Variants in SLC37A1 observed in about 807,000 individuals in gnomAD.
SLC37A1 encodes solute carrier family 37 member 1.
Under a neutral mutation model 75.3 loss-of-function variants are expected in SLC37A1, and 49 were observed. The observed-to-expected ratio is 0.65, with a 90% CI of 0.52 to 0.83. The LOEUF is 0.83. Among genes scored for constraint, SLC37A1 ranks in the 40% least tolerant of loss-of-function variants. SLC37A1 has a pLI of 0.00. For missense variants in SLC37A1, 566 were observed against 695.0 expected, an observed-to-expected ratio of 0.81 and a Z score of 2.09; for synonymous variants, 268 against 292.1, an observed-to-expected ratio of 0.92 and a Z score of 0.84.
At chr21:42,564,661 C>A in intron 13 of SLC37A1, 47 bp from the exon 14 acceptor site, 2 of 1,517,390 alleles carry the variant, frequency 1.3e-6, no homozygotes, top group Non-Finnish European at 1.8e-6. Flanking sequence ...TCCCCGTGGG[C>A]TCATGCCCTG....
chr21:42,575,024 T>C (rs1251342872), intron 18 of SLC37A1, 109 bp downstream of exon 18: 10 of 1,509,812 alleles, frequency 6.6e-6, no homozygotes, highest in Non-Finnish European at 8.8e-6. Flanking sequence ...TCAGAGAGGT[T>C]TGGGTCTTCC....
intron 2 of SLC37A1, among the ~76,000 whole-genome samples, chr21:42,505,748 T>A (rs1285884404): frequency 6.6e-6 from 1 of 152,386 alleles, no homozygotes; most frequent in Non-Finnish European, 1.5e-5. Context: ...AAGAGCTTTT[T>A]AAATTTTGTT....
chr21:42,550,745 T>C (rs73905687), intron 9 of SLC37A1, among the ~76,000 whole-genome samples: 20,773 of 152,266 alleles, frequency 0.14, 2,072 homozygotes, highest in African/African-American at 0.29. Flanking sequence ...TCAAGTGGGA[T>C]TTATCCCAGG....
chr21:42,523,291 G>A (rs568943939), intron 2 of SLC37A1, among the ~76,000 whole-genome samples: 16 of 152,316 alleles, frequency 1.1e-4, no homozygotes, highest in African/African-American at 2.9e-4. Context: ...GAGGAGATTG[G>A]AGAAGGAAAC....
At chr21:42,504,395 T>C (rs2054366322) in intron 2 of SLC37A1, among the ~76,000 whole-genome samples, 1 of 152,180 alleles carries the variant, frequency 6.6e-6, no homozygotes, top group Non-Finnish European at 1.5e-5. Context: ...ACCTTAATCC[T>C]GAAAACCTTT....
Position 42,548,479 on chromosome 21 carries a change from A to C in SLC37A1, c.768+1339A>C, listed in dbSNP as rs1402462304. 1.3e-5 allele frequency among the ~76,000 whole-genome samples: 2 copies of C among 151,372 alleles called. No individual in the cohort carries two copies. Among genetic ancestry groups the C allele is most frequent in the African/African-American group, 4.9e-5 (2 of 41,118 alleles). On this transcript the variant is annotated intron_variant, in intron 9 of 19. Transcript: ENST00000352133. This position sits in a 1 kb window ranked among gnomAD's most constrained non-coding sequence, Gnocchi z 5.6. The stretch of plus-strand genomic sequence containing the variant: ...CAACACCCCCTCCCTTCAGCCCCGC[A>C]CCCCATCCTTGGCCATGTTCTGTCA...
At position 42,580,664 on chromosome 21, in the gene SLC37A1, A is replaced by C; in HGVS notation, c.*304A>C. On this transcript the variant is annotated 3_prime_UTR_variant, in exon 20 of 20. Coordinates refer to ENST00000352133, the MANE Select transcript of SLC37A1 (RefSeq NM_001320537.2). ...ATGCAGCCACCCAAATGCACGCGTGACAACAAGGCCGGGAGGGTGGGGGGG... is the reference window on the plus strand; with the variant it reads ...ATGCAGCCACCCAAATGCACGCGTGCCAACAAGGCCGGGAGGGTGGGGGGG... 6.9e-6 allele frequency: 2 copies of C among 290,566 alleles called. No individual in the cohort carries two copies. Among genetic ancestry groups the C allele is most frequent in the South Asian group, 3.7e-5 (1 of 26,960 alleles). The allele number at this position is 290,566 out of a possible 1,614,324, so 18.0% of individuals were successfully genotyped here.
intron 2 of SLC37A1, among the ~76,000 whole-genome samples, chr21:42,523,349 G>A (rs2054700035): frequency 1.3e-5 from 2 of 152,228 alleles, no homozygotes; most frequent in Non-Finnish European, 2.9e-5. Flanking sequence ...AGCCTTACTT[G>A]CCCTAGTCAG....
At chr21:42,578,286 G>A (rs1287087819) in intron 18 of SLC37A1, among the ~76,000 whole-genome samples, 1 of 152,170 alleles carries the variant, frequency 6.6e-6, no homozygotes, top group Non-Finnish European at 1.5e-5. Context: ...GAGTTGGTAG[G>A]GCCCCTCCTT....
chr21:42,535,976 C>T (rs560047067), intron 5 of SLC37A1, among the ~76,000 whole-genome samples: 45 of 152,336 alleles, frequency 3.0e-4, no homozygotes, highest in African/African-American at 1.0e-3. Flanking sequence ...ACCTGATGAT[C>T]GAAACAGTTG....
intron 11 of SLC37A1, among the ~76,000 whole-genome samples, chr21:42,559,576 C>G (rs2055775118): frequency 6.6e-6 from 1 of 152,250 alleles, no homozygotes; most frequent in Non-Finnish European, 1.5e-5. Flanking sequence ...GATTCTCTTT[C>G]CCTTTAAAGT....
At chr21:42,513,192 G>A (rs934262927), upstream of SLC37A1, among the ~76,000 whole-genome samples, 2 of 152,082 alleles carry the variant, frequency 1.3e-5, no homozygotes, top group African/African-American at 4.8e-5. Context: ...CCCTGGGGCT[G>A]CCTAAGGAGA....
At chr21:42,535,858 G>A (rs2146845067) in intron 5 of SLC37A1, among the ~76,000 whole-genome samples, 1 of 152,300 alleles carries the variant, frequency 6.6e-6, no homozygotes, top group African/African-American at 2.4e-5. Flanking sequence ...GCCAATCCTG[G>A]GACGTGGTCA....
Position 42,575,145 on chromosome 21 carries a change from G to C in SLC37A1, c.1521+230G>C. ...GCAGCCTTGGGCGGGATAGCACAAA[G>C]GCCAGGAGCGTGGAGCTCCGTGGCT... On this transcript the variant is annotated intron_variant, in intron 18 of 19. Transcript: ENST00000352133. 3.0e-6 allele frequency: 3 copies of C among 985,492 alleles called. No individual in the cohort carries two copies. The South Asian group carries it at 1.4e-4, about 46-fold the overall frequency. 61.0% of individuals were successfully genotyped at this position (985,492 alleles called of 1,614,324 possible).
chr21:42,565,044 G>GC (rs1469096748), intron 14 of SLC37A1, among the ~76,000 whole-genome samples: 1 of 152,272 alleles, frequency 6.6e-6, no homozygotes, highest in Admixed American at 6.5e-5. Flanking sequence ...TCTTTGGGGT[G>GC]CCCCCTTGCC....
In SLC37A1 at chr21:42,514,482, C is replaced by G. The variant is rs1433815460; in HGVS notation, c.-414C>G. The G allele has an allele frequency of 6.6e-6, 1 of 152,252 alleles. No homozygotes were observed. Among genetic ancestry groups the G allele is most frequent in the South Asian group, 2.1e-4 (1 of 4,838 alleles). 9.4% of individuals were successfully genotyped at this position (152,252 alleles called of 1,614,324 possible). ...GAATTCACCTCCTCCGGGGACCAGC[C>G]GCCCAGGGAGGAGCCGGCACAGAAC... is the stretch of plus-strand genomic sequence containing the variant. On this transcript the variant is annotated 5_prime_UTR_variant, in exon 1 of 20. Transcript: ENST00000352133. This position sits in a 1 kb window ranked among gnomAD's most constrained non-coding sequence, Gnocchi z 4.8.
chr21:42,507,523 A>G (rs2054395082), intron 2 of SLC37A1, among the ~76,000 whole-genome samples: 1 of 152,212 alleles, frequency 6.6e-6, no homozygotes, highest in Non-Finnish European at 1.5e-5. Flanking sequence ...AAAGAGTACT[A>G]AAGTGTGTGT....
chr21:42,542,258 C>G (rs1170025520), intron 6 of SLC37A1, 146 bp from the exon 7 acceptor site: 1 of 554,180 alleles, frequency 1.8e-6, no homozygotes, highest in African/African-American at 1.9e-5. Context: ...GTAGTTTAAA[C>G]TGTATATAAA....
At chr21:42,546,271 C>G (rs978904118) in intron 8 of SLC37A1, among the ~76,000 whole-genome samples, 1 of 152,232 alleles carries the variant, frequency 6.6e-6, no homozygotes, top group Non-Finnish European at 1.5e-5. Context: ...AAAGGACACG[C>G]TGAAGCCTCA....
Sources: allele counts gnomAD v4.1 joint callset (sites outside exome capture counted in the v4.1 genomes callset), GRCh38; gene constraint gnomAD v4.1.1; non-coding constraint Gnocchi (gnomAD v3.1); transcripts MANE v1.5; gene names NCBI Gene and HGNC (gene_info 2026-07-23, HGNC 2026-07-21).